Variants in AAK1 observed in about 807,000 individuals in gnomAD.
The protein encoded by AAK1 is AP2 associated kinase 1.
AAK1 carries 37 observed loss-of-function variants against 116.0 expected under a neutral mutation model. The observed-to-expected ratio is 0.32, with a 90% CI of 0.25 to 0.42. The LOEUF is 0.42. Ranked by LOEUF, AAK1 falls within the 10% of genes least tolerant of loss-of-function variation. AAK1 has a pLI of 1.00. For missense variants in AAK1, 919 were observed against 1,170.6 expected (o/e 0.79, Z 3.14); for synonymous variants, 458 against 439.9 (o/e 1.04, Z -0.51).
chr2:69,527,573 G>A (rs1002395823), intron 8 of AAK1, among the ~76,000 whole-genome samples: 1 of 152,050 alleles, frequency 6.6e-6, no homozygotes, highest in Non-Finnish European at 1.5e-5. Flanking sequence ...TCTATGCTTT[G>A]CACCAGAGGG....
chr2:69,582,074 A>G (rs1041539389), intron 2 of AAK1, among the ~76,000 whole-genome samples: 6 of 152,212 alleles, frequency 3.9e-5, no homozygotes, highest in African/African-American at 1.2e-4. Flanking sequence ...TGTAAAATTC[A>G]TAAGCTACTT....
chr2:69,632,386 G>T (rs111389021), intron 2 of AAK1, among the ~76,000 whole-genome samples: 16 of 152,176 alleles, frequency 1.1e-4, no homozygotes, highest in African/African-American at 3.9e-4. Flanking sequence ...CTGGCAACTA[G>T]TGGGTAGAGG....
chr2:69,575,094 T>G (rs893184471), intron 2 of AAK1, among the ~76,000 whole-genome samples: 4 of 151,864 alleles, frequency 2.6e-5, no homozygotes, highest in African/African-American at 9.7e-5. Context: ...TAAGACTGAT[T>G]TACTTGTGGA....
At chr2:69,492,515 A>AT (rs1231383010) in intron 17 of AAK1, among the ~76,000 whole-genome samples, 1 of 78,834 alleles carries the variant, frequency 1.3e-5, no homozygotes, top group African/African-American at 5.9e-5. Flanking sequence ...TGCCTGGCCA[A>AT]TTCTTTTTTT....
intron 12 of AAK1, among the ~76,000 whole-genome samples, chr2:69,518,413 T>TTTTTTTG: frequency 7.2e-6 from 1 of 139,080 alleles, no homozygotes. Flanking sequence ...AAAAAATAGT[T>TTTTTTTG]TTTTTTTTTT....
intron 2 of AAK1, among the ~76,000 whole-genome samples, chr2:69,566,557 A>G (rs917050042): frequency 8.5e-5 from 13 of 152,138 alleles, no homozygotes; most frequent in Admixed American, 8.5e-4. Flanking sequence ...AGAAACATCA[A>G]CAGAACCCAA....
Position 69,472,657 on chromosome 2 carries a change from AG to A in AAK1, c.*3211del. On this transcript the variant is annotated 3_prime_UTR_variant, in exon 22 of 22. Transcript: ENST00000409085. ...ATTGGGACTCATTTGAATGTTGTAA[AG>A]GGAAAAATCAATTTGTCATGTTTTC... 1 of 985,442 alleles carries A rather than the reference AG, an allele frequency of 1.0e-6. No homozygotes were observed. The highest frequency in any genetic ancestry group is 1.2e-6 in the Non-Finnish European group (1 of 829,930). 61.0% of individuals were successfully genotyped at this position (985,442 alleles called of 1,614,324 possible).
intron 9 of AAK1, among the ~76,000 whole-genome samples, chr2:69,525,796 G>A (rs1280441507): frequency 6.6e-6 from 1 of 152,190 alleles, no homozygotes; most frequent in African/African-American, 2.4e-5. Flanking sequence ...CTTGTGAGGT[G>A]TACTTTTAAA....
At chr2:69,494,520 A>C (rs1675662761) in intron 17 of AAK1, among the ~76,000 whole-genome samples, 3 of 152,160 alleles carry the variant, frequency 2.0e-5, no homozygotes, top group South Asian at 4.2e-4. Context: ...CAAAGCAAGA[A>C]CCTGAAGGGG....
intron 18 of AAK1, chr2:69,482,248 A>G (rs967434876): frequency 3.3e-5 from 8 of 242,412 alleles, no homozygotes; most frequent in Non-Finnish European, 6.3e-5. Context: ...GCTACTCGGG[A>G]GGCTGAGGCA....
chr2:69,541,254 A>G (rs1670708564), intron 5 of AAK1, among the ~76,000 whole-genome samples: 3 of 136,864 alleles, frequency 2.2e-5, no homozygotes, highest in South Asian at 4.6e-4. Context: ...TTTTTGAGGC[A>G]GAGTCTCGCT....
intron 17 of AAK1, among the ~76,000 whole-genome samples, chr2:69,491,051 C>T (rs2104919537): frequency 6.6e-6 from 1 of 152,108 alleles, no homozygotes; most frequent in Admixed American, 6.5e-5. Flanking sequence ...ATCCTCCTGC[C>T]TCAGCCTCCC....
rs1200169221 is a variant in AAK1 at position 69,471,334 on chromosome 2, T to C, written c.*4535A>G. 7 of 985,480 alleles carry C rather than the reference T, an allele frequency of 7.1e-6. No homozygotes were observed. Among genetic ancestry groups the C allele is most frequent in the Non-Finnish European group, 8.4e-6 (7 of 829,940 alleles). 61.0% of individuals were successfully genotyped at this position (985,480 alleles called of 1,614,324 possible). A position where few individuals can be genotyped will look rare whatever the true frequency, so the allele number is the denominator to read the frequency against. ...GAGAAGCAAAAGAGGTTTCTTGTTA[T>C]AGATTTCCTAGCACTCATTCTGATT... On this transcript the variant is annotated 3_prime_UTR_variant, in exon 22 of 22. Coordinates refer to ENST00000409085, the MANE Select transcript of AAK1 (RefSeq NM_014911.5).
intron 11 of AAK1, among the ~76,000 whole-genome samples, chr2:69,519,557 G>C (rs1669667071): frequency 6.6e-6 from 1 of 152,162 alleles, no homozygotes; most frequent in African/African-American, 2.4e-5. Context: ...ACTGGCCTTT[G>C]GTACATATGC....
intron 2 of AAK1, among the ~76,000 whole-genome samples, chr2:69,605,238 A>G (rs1462846486): frequency 1.3e-5 from 2 of 152,076 alleles, no homozygotes; most frequent in Non-Finnish European, 2.9e-5. Flanking sequence ...AATGATCACT[A>G]CTTAAAACTT....
intron 2 of AAK1, among the ~76,000 whole-genome samples, chr2:69,641,258 G>T (rs1326827027): frequency 6.6e-6 from 1 of 152,210 alleles, no homozygotes; most frequent in Non-Finnish European, 1.5e-5. Flanking sequence ...GCCATTCAGA[G>T]GGGAGGAAAG....
At chr2:69,520,730 G>T in intron 11 of AAK1, 104 bp downstream of exon 11, 2 of 1,291,622 alleles carry the variant, frequency 1.5e-6, no homozygotes, top group Non-Finnish European at 2.1e-6. Flanking sequence ...ATCTCTGTGT[G>T]CCTCTGGAGT....
intron 2 of AAK1, among the ~76,000 whole-genome samples, chr2:69,636,550 T>G (rs1675453936): frequency 6.6e-6 from 1 of 152,152 alleles, no homozygotes; most frequent in African/African-American, 2.4e-5. Flanking sequence ...AGACTACTGC[T>G]CTAGACCAAC....
At chr2:69,526,348 C>T (rs1414751805) in intron 9 of AAK1, among the ~76,000 whole-genome samples, 2 of 152,062 alleles carry the variant, frequency 1.3e-5, no homozygotes, top group Non-Finnish European at 2.9e-5. Flanking sequence ...CCCTTAAGTC[C>T]CAGCAGTGAA....
Sources: gnomAD v4.1 joint callset for allele counts (sites outside exome capture counted in the v4.1 genomes callset) on GRCh38, gnomAD v4.1.1 for gene constraint, MANE v1.5 for transcripts, NCBI Gene and HGNC (gene_info 2026-07-23, HGNC 2026-07-21) for gene names.